Variants in GRIA1 observed in about 807,000 individuals in gnomAD.
GRIA1 encodes the protein glutamate receptor 1.
A neutral mutation model predicts 99.2 loss-of-function variants in GRIA1; 31 were observed. The observed-to-expected ratio is 0.31, with a 90% CI of 0.23 to 0.42. The LOEUF (loss-of-function observed/expected upper bound fraction) is 0.42. GRIA1 is among the 10% of genes least tolerant of loss of function. The probability of loss-of-function intolerance (pLI) is 1.00; values close to 1 mark genes in which losing one functional copy is unlikely to be tolerated. For synonymous variants in GRIA1, 438 were observed against 432.4 expected (o/e 1.01, Z -0.16); for missense variants, 782 against 1,157.5 (o/e 0.68, Z 4.71).
At chr5:153,728,678 A>G (rs1760762608) in intron 11 of GRIA1, among the ~76,000 whole-genome samples, 1 of 98,490 alleles carries the variant, frequency 1.0e-5, no homozygotes, top group African/African-American at 4.3e-5. Context: ...TCAAAACCAC[A>G]ATGAGATACC....
chr5:153,533,949 G>A (rs1377908227), intron 2 of GRIA1, among the ~76,000 whole-genome samples: 1 of 152,234 alleles, frequency 6.6e-6, no homozygotes, highest in Non-Finnish European at 1.5e-5. Flanking sequence ...AAAGTGCAGA[G>A]CTAAGAATGG....
chr5:153,668,528 A>T (rs1755914573), intron 5 of GRIA1, among the ~76,000 whole-genome samples: 2 of 152,246 alleles, frequency 1.3e-5, no homozygotes, highest in Admixed American at 1.3e-4. Flanking sequence ...GCTAAATAGT[A>T]ATAGTAAATT....
At position 153,760,105 on chromosome 5, in the gene GRIA1, G is replaced by A. The variant is rs564428106; in HGVS notation, c.1824-4329G>A. ...CTAACATCATATTGAATAGGGAAAA[G>A]TTGAAAGCTTTTCCCCTAAGATATG... On this transcript the variant is annotated intron_variant, in intron 11 of 15. Coordinates refer to ENST00000285900, the MANE Select transcript of GRIA1 (RefSeq NM_000827.4). Among the ~76,000 whole-genome samples the A allele has an allele frequency of 9.9e-5, 15 of 152,158 alleles. No individual in the cohort carries two copies. The South Asian group carries it at 3.1e-3, about 32-fold the overall frequency.
intron 2 of GRIA1, among the ~76,000 whole-genome samples, chr5:153,552,674 A>G: frequency 6.6e-6 from 1 of 152,102 alleles, no homozygotes. Flanking sequence ...GAAGAATACT[A>G]CTCAGAATTT....
At chr5:153,704,032 C>A (rs912858294) in intron 10 of GRIA1, among the ~76,000 whole-genome samples, 13 of 152,184 alleles carry the variant, frequency 8.5e-5, no homozygotes, top group African/African-American at 2.9e-4. Flanking sequence ...GGGGAAAAAA[C>A]AGAATTGCTA....
At chr5:153,517,102 C>T (rs1239204562) in intron 2 of GRIA1, among the ~76,000 whole-genome samples, 1 of 152,144 alleles carries the variant, frequency 6.6e-6, no homozygotes, top group Non-Finnish European at 1.5e-5. Context: ...ATACATTGCC[C>T]TCAGCCACGC....
At chr5:153,559,979 T>C (rs1760981460) in intron 2 of GRIA1, among the ~76,000 whole-genome samples, 1 of 151,744 alleles carries the variant, frequency 6.6e-6, no homozygotes, top group Non-Finnish European at 1.5e-5. Flanking sequence ...CAAAGTTTGC[T>C]GTTTACAAAG....
chr5:153,801,334 C>G, intron 14 of GRIA1, among the ~76,000 whole-genome samples: 1 of 144,154 alleles, frequency 6.9e-6, no homozygotes, highest in Admixed American at 6.8e-5. Flanking sequence ...CCCACCATGA[C>G]CATCAGTTGT....
chr5:153,689,952 C>T (rs933733791), intron 8 of GRIA1, among the ~76,000 whole-genome samples: 4 of 152,182 alleles, frequency 2.6e-5, no homozygotes, highest in Admixed American at 6.5e-5. Flanking sequence ...TGTTGGGAGG[C>T]TTTTTATCTC....
intron 2 of GRIA1, among the ~76,000 whole-genome samples, chr5:153,530,325 T>A (rs1757977042): frequency 6.6e-6 from 1 of 152,258 alleles, no homozygotes; most frequent in Admixed American, 6.5e-5. Flanking sequence ...TTTGGTGAAC[T>A]TTAAGTAACT....
Position 153,524,170 on chromosome 5 carries a change from T to C in GRIA1, c.220+30105T>C, listed in dbSNP as rs946900379. ...GTGAAATCCCTGTCTCCACTAAAAA[T>C]ACAAAAATTAGCTGGGCGTGGTGGG... On this transcript the variant is annotated intron_variant, in intron 2 of 15. Coordinates refer to ENST00000285900, the MANE Select transcript of GRIA1 (RefSeq NM_000827.4). 7.2e-5 allele frequency among the ~76,000 whole-genome samples: 11 copies of C among 152,120 alleles called. 1 individual carries two copies. Among genetic ancestry groups the C allele is most frequent in the Middle Eastern group, 3.4e-3 (1 of 294 alleles).
intron 2 of GRIA1, among the ~76,000 whole-genome samples, chr5:153,613,283 A>G (rs1311861478): frequency 6.6e-6 from 1 of 152,186 alleles, no homozygotes; most frequent in Non-Finnish European, 1.5e-5. Flanking sequence ...GCAGTTCCAG[A>G]TGCATTTTTA....
intron 15 of GRIA1, among the ~76,000 whole-genome samples, chr5:153,810,689 G>A (rs1766752482): frequency 6.6e-6 from 1 of 152,138 alleles, no homozygotes; most frequent in South Asian, 2.1e-4. Flanking sequence ...TTTCCACTTA[G>A]TTGTGTTGCT....
At chr5:153,744,606 C>A (rs749110911) in intron 11 of GRIA1, among the ~76,000 whole-genome samples, 1 of 152,162 alleles carries the variant, frequency 6.6e-6, no homozygotes, top group Non-Finnish European at 1.5e-5. Flanking sequence ...TGAGACTGTA[C>A]AGTTATTAGG....
At chr5:153,500,930 C>G (rs771101813) in intron 2 of GRIA1, among the ~76,000 whole-genome samples, 8 of 152,190 alleles carry the variant, frequency 5.3e-5, no homozygotes, top group Admixed American at 1.3e-4. Flanking sequence ...TCCCCTCCCC[C>G]AAGCTTATTT....
chr5:153,722,784 C>G (rs1008309357), intron 11 of GRIA1, among the ~76,000 whole-genome samples: 2 of 152,130 alleles, frequency 1.3e-5, no homozygotes, highest in African/African-American at 2.4e-5. Context: ...AGAAGGGATT[C>G]TCTTCACATA....
intron 2 of GRIA1, among the ~76,000 whole-genome samples, chr5:153,511,097 C>T: frequency 6.6e-6 from 1 of 152,198 alleles, no homozygotes; most frequent in East Asian, 1.9e-4. Context: ...AACTTAGTCC[C>T]TCTGTAGCCC....
intron 2 of GRIA1, among the ~76,000 whole-genome samples, chr5:153,529,124 T>C (rs1453979613): frequency 6.6e-6 from 1 of 152,224 alleles, no homozygotes; most frequent in Non-Finnish European, 1.5e-5. Flanking sequence ...TGTATTGACT[T>C]AGCTGTCTTT....
At chr5:153,694,532 A>G (rs1385409894) in intron 8 of GRIA1, among the ~76,000 whole-genome samples, 3 of 152,214 alleles carry the variant, frequency 2.0e-5, no homozygotes, top group Non-Finnish European at 2.9e-5. Flanking sequence ...TGAACCATAC[A>G]CTGTGCTAAT....
Sources: allele counts gnomAD v4.1 joint callset (sites outside exome capture counted in the v4.1 genomes callset), GRCh38; gene constraint gnomAD v4.1.1; transcripts MANE v1.5; gene names NCBI Gene and HGNC (gene_info 2026-07-23, HGNC 2026-07-21).